Variants in CAMKK2 observed in about 807,000 individuals in gnomAD.
CAMKK2 encodes the protein calcium/calmodulin-dependent protein kinase kinase 2.
In CAMKK2, 30 loss-of-function variants were observed where a neutral mutation model predicts 67.2. That is an observed-to-expected ratio of 0.45 (90% confidence interval 0.33 to 0.61). The LOEUF (loss-of-function observed/expected upper bound fraction) is 0.61, where lower values mean the gene tolerates loss of function less well. Ranked by LOEUF, CAMKK2 falls within the 20% of genes least tolerant of loss-of-function variation. CAMKK2 has a pLI of 0.02. For synonymous variants in CAMKK2, 322 were observed against 326.2 expected, an observed-to-expected ratio of 0.99 and a Z score of 0.14; for missense variants, 643 against 802.0, an observed-to-expected ratio of 0.80 and a Z score of 2.39.
chr12:121,252,527 G>C lies in CAMKK2; in HGVS notation c.1161+134C>G, dbSNP rs1593306268. 20 of 683,732 alleles carry C rather than the reference G, an allele frequency of 2.9e-5. No homozygotes were observed. In the South Asian group the frequency reaches 3.4e-4, roughly 12 times the overall value. The allele number at this position is 683,732 out of a possible 1,614,324, so 42.4% of individuals were successfully genotyped here. On this transcript the variant is annotated intron_variant, in intron 11 of 16. Coordinates refer to ENST00000404169, the MANE Select transcript of CAMKK2 (RefSeq NM_001270485.2). Reference sequence around the variant, plus strand: ...TCTGCCTCAGCCTCCCAAAGTGCTGGGTTTACAGGCGTGAGCCACCATGCC... The same window carrying C: ...TCTGCCTCAGCCTCCCAAAGTGCTGCGTTTACAGGCGTGAGCCACCATGCC...
chr12:121,284,222 T>A (rs1566132769), intron 1 of CAMKK2, among the ~76,000 whole-genome samples: 1 of 152,240 alleles, frequency 6.6e-6, no homozygotes, highest in Non-Finnish European at 1.5e-5. Context: ...ATGAGGAAAA[T>A]GAAGGTTCAG....
At chr12:121,281,817 G>A (rs982600017) in intron 1 of CAMKK2, among the ~76,000 whole-genome samples, 2 of 152,206 alleles carry the variant, frequency 1.3e-5, no homozygotes, top group African/African-American at 4.8e-5. Context: ...GTGGTGGCGG[G>A]CGCCTGTAAT....
chr12:121,254,988 G>A lies in CAMKK2; in HGVS notation c.907+562C>T, dbSNP rs578015152. Among the ~76,000 whole-genome samples, 202 of 151,408 alleles carry A rather than the reference G, an allele frequency of 1.3e-3. 1 individual carries two copies. Among genetic ancestry groups the A allele is most frequent in the African/African-American group, 4.6e-3 (190 of 41,270 alleles). ...CTAATCAGCTGCCAGCGAATATAAA[G>A]CAGGCAGAAAAACGTGAAAGGTGAG... is the stretch of plus-strand genomic sequence containing the variant. On this transcript the variant is annotated intron_variant, in intron 9 of 16. Coordinates refer to ENST00000404169, the MANE Select transcript of CAMKK2 (RefSeq NM_001270485.2).
chr12:121,244,492 G>A, intron 16 of CAMKK2, 81 bp downstream of exon 16: 3 of 1,329,972 alleles, frequency 2.3e-6, no homozygotes, highest in Non-Finnish European at 3.1e-6. Flanking sequence ...GCCCGGGTGG[G>A]GATGCCCCCG....
intron 9 of CAMKK2, among the ~76,000 whole-genome samples, chr12:121,255,334 ATATAATTT>A (rs1891949483): frequency 1.5e-5 from 1 of 65,484 alleles, no homozygotes; most frequent in Non-Finnish European, 2.7e-5. Context: ...ATATAATTAT[ATATAATTT>A]TATATATATA....
chr12:121,269,103 A>T (rs1895217578), intron 4 of CAMKK2, among the ~76,000 whole-genome samples: 1 of 151,778 alleles, frequency 6.6e-6, no homozygotes, highest in Non-Finnish European at 1.5e-5. Flanking sequence ...GCTGTTTTAC[A>T]CATGGGGAAA....
chr12:121,259,084 C>T (rs1892927010), intron 7 of CAMKK2, among the ~76,000 whole-genome samples: 1 of 152,102 alleles, frequency 6.6e-6, no homozygotes, highest in South Asian at 2.1e-4. Context: ...CTCAGGTGAT[C>T]CACCCGCTCG....
intron 9 of CAMKK2, among the ~76,000 whole-genome samples, 198 bp downstream of exon 9, chr12:121,255,352 A>AAT (rs1891992656): frequency 1.5e-5 from 1 of 68,266 alleles, no homozygotes; most frequent in African/African-American, 5.7e-5. Context: ...TTATATATAT[A>AAT]ATTATATATA....
intron 6 of CAMKK2, among the ~76,000 whole-genome samples, chr12:121,262,954 T>C (rs1461354804): frequency 6.6e-6 from 1 of 152,000 alleles, no homozygotes; most frequent in Non-Finnish European, 1.5e-5. Context: ...GTGAAAGTGC[T>C]TTTGGGTCTT....
intron 9 of CAMKK2, among the ~76,000 whole-genome samples, chr12:121,254,069 C>T (rs1357417737): frequency 6.6e-6 from 1 of 152,158 alleles, no homozygotes; most frequent in African/African-American, 2.4e-5. Flanking sequence ...AGCAGCAGAG[C>T]ACCAAGTGAG....
chr12:121,242,328 G>A (rs1888529564), intron 16 of CAMKK2, among the ~76,000 whole-genome samples: 1 of 150,692 alleles, frequency 6.6e-6, no homozygotes, highest in Non-Finnish European at 1.5e-5. Flanking sequence ...GGGCAACAGT[G>A]CAAGACCCTG....
intron 1 of CAMKK2, among the ~76,000 whole-genome samples, chr12:121,276,214 T>C (rs1232652416): frequency 6.8e-6 from 1 of 146,752 alleles, no homozygotes; most frequent in Non-Finnish European, 1.5e-5. Flanking sequence ...CCTGTAATCC[T>C]CCCAGCACTT....
At chr12:121,288,317 G>A (rs1294628553) in intron 1 of CAMKK2, among the ~76,000 whole-genome samples, 2 of 152,214 alleles carry the variant, frequency 1.3e-5, no homozygotes, top group Middle Eastern at 3.4e-3. Context: ...GGCTACCCAC[G>A]GCCCCTCTCC....
intron 16 of CAMKK2, among the ~76,000 whole-genome samples, chr12:121,242,509 G>C (rs575660606): frequency 3.9e-5 from 6 of 152,334 alleles, no homozygotes; most frequent in African/African-American, 9.6e-5. Context: ...TCCATCATCC[G>C]TGAGGCTCAC....
chr12:121,270,902 C>A lies in CAMKK2; in HGVS notation c.515G>T (p.Gly172Val). 1 of 1,613,148 alleles carries A rather than the reference C, an allele frequency of 6.2e-7. No individual in the cohort carries two copies. The highest frequency in any genetic ancestry group is 8.5e-7 in the Non-Finnish European group (1 of 1,179,182). ...LNQYTLKDEI[G>V]KGSYGVVKLA... ...CCTAGCCCCAGGGATATTTACCTTT[C>A]CAATTTCATCCTTCAGGGTATACTG... Residue 172 changes from glycine to valine, a missense_variant, in exon 3 of 17, where the codon GGA (glycine) becomes GTA (valine). Physicochemically the swap from Gly to Val is moderately radical, Grantham distance 109 (BLOSUM62 -3). Coordinates refer to ENST00000404169, the MANE Select transcript of CAMKK2 (RefSeq NM_001270485.2).
chr12:121,260,539 T>C, intron 6 of CAMKK2, 184 bp from the exon 7 acceptor site: 3 of 605,428 alleles, frequency 5.0e-6, no homozygotes, highest in Non-Finnish European at 5.9e-6. Flanking sequence ...GAGATCCTAA[T>C]GGCTATTCGG....
At chr12:121,247,243 A>G (rs1213552950) in intron 14 of CAMKK2, among the ~76,000 whole-genome samples, 1 of 152,018 alleles carries the variant, frequency 6.6e-6, no homozygotes, top group Non-Finnish European at 1.5e-5. Flanking sequence ...CCTCTACTGC[A>G]CTGTACATAC....
At chr12:121,259,353 C>T (rs1327441294) in intron 7 of CAMKK2, among the ~76,000 whole-genome samples, 1 of 152,116 alleles carries the variant, frequency 6.6e-6, no homozygotes, top group Non-Finnish European at 1.5e-5. Flanking sequence ...GGTGCGCTCC[C>T]CAAGGACAGG....
chr12:121,247,846 G>A (rs1234008578), intron 14 of CAMKK2, among the ~76,000 whole-genome samples: 1 of 152,156 alleles, frequency 6.6e-6, no homozygotes, highest in Admixed American at 6.5e-5. Flanking sequence ...CAGAGCCCAG[G>A]GGCCCGCCGG....
Sources: allele counts gnomAD v4.1 joint callset (sites outside exome capture counted in the v4.1 genomes callset), GRCh38; gene constraint gnomAD v4.1.1; transcripts MANE v1.5; gene names NCBI Gene and HGNC (gene_info 2026-07-23, HGNC 2026-07-21).